YTHDC1: variants seen among roughly 807,000 people sequenced by gnomAD.
The protein encoded by YTHDC1 is YTH domain-containing protein 1.
Under a neutral mutation model 107.0 loss-of-function variants are expected in YTHDC1, and 12 were observed. The ratio of observed to expected loss-of-function variants is 0.11; its 90% confidence interval spans 0.07 to 0.18. The LOEUF is 0.18. Among genes scored for constraint, YTHDC1 ranks in the 10% least tolerant of loss-of-function variants. YTHDC1 has a pLI of 1.00. For missense variants in YTHDC1, 635 were observed against 898.8 expected (o/e 0.71, Z 3.75); for synonymous variants, 280 against 289.5 (o/e 0.97, Z 0.33).
At chr4:68,318,436 A>G in intron 15 of YTHDC1, 83 bp downstream of exon 15, 1 of 1,341,240 alleles carries the variant, frequency 7.5e-7, no homozygotes, top group Non-Finnish European at 1.0e-6. Flanking sequence ...GAGTAACTGT[A>G]ACAATCATAT....
chr4:68,315,368 T>A (rs1388488845), intron 16 of YTHDC1, among the ~76,000 whole-genome samples: 1 of 152,170 alleles, frequency 6.6e-6, no homozygotes, highest in Admixed American at 6.5e-5. Context: ...GTCTCAAAGA[T>A]AGGCTAGAAA....
chr4:68,336,574 C>T (rs1017526302), intron 4 of YTHDC1, among the ~76,000 whole-genome samples: 6 of 152,178 alleles, frequency 3.9e-5, no homozygotes, highest in African/African-American at 1.4e-4. Flanking sequence ...AAAGTCTGTG[C>T]TCCCAGAGAT....
chr4:68,349,521 G>C (rs1459356612), intron 1 of YTHDC1, among the ~76,000 whole-genome samples: 1 of 151,918 alleles, frequency 6.6e-6, no homozygotes, highest in Non-Finnish European at 1.5e-5. Flanking sequence ...CTGAGATGAA[G>C]TGCTAGGCCA....
At chr4:68,333,579 G>A (rs184432169) in intron 4 of YTHDC1, among the ~76,000 whole-genome samples, 182 bp from the exon 5 acceptor site, 376 of 152,052 alleles carry the variant, frequency 2.5e-3, no homozygotes, top group Admixed American at 4.3e-3. Context: ...TAAAAAGTAC[G>A]GGCATCTTGT....
In YTHDC1 at chr4:68,313,877, A is replaced by G. The variant is rs1560466706; in HGVS notation, c.*222T>C. On this transcript the variant is annotated 3_prime_UTR_variant, in exon 17 of 17. Transcript: ENST00000344157. Reference sequence around the variant, plus strand: ...TGGACTGTTCCATTCTGCCCCAATAAAAGTGTCAATTCAACTGTCAGCTGT... The same window carrying G: ...TGGACTGTTCCATTCTGCCCCAATAGAAGTGTCAATTCAACTGTCAGCTGT... The G allele has an allele frequency of 5.1e-6, 3 of 591,042 alleles. No individual in the cohort carries two copies. Among genetic ancestry groups the G allele is most frequent in the East Asian group, 2.8e-5 (1 of 35,658 alleles). The allele number at this position is 591,042 out of a possible 1,614,324, so 36.6% of individuals were successfully genotyped here.
intron 4 of YTHDC1, among the ~76,000 whole-genome samples, chr4:68,336,600 T>C (rs1724196541): frequency 6.6e-6 from 1 of 152,210 alleles, no homozygotes; most frequent in South Asian, 2.1e-4. Flanking sequence ...AGAAATAATC[T>C]GTTTTGATTC....
chr4:68,335,415 T>C (rs1387713041), intron 4 of YTHDC1, among the ~76,000 whole-genome samples: 2 of 151,900 alleles, frequency 1.3e-5, no homozygotes, highest in African/African-American at 4.8e-5. Context: ...AGTAACAGAG[T>C]TTTGATATCA....
chr4:68,322,863 T>G lies in YTHDC1; in HGVS notation c.1487A>C (p.Glu496Ala). The change falls in exon 11 of 17, where the codon GAA (glutamate) becomes GCA (alanine). Residue 496 changes from glutamate to alanine, a missense_variant. Coordinates refer to ENST00000344157, the MANE Select transcript of YTHDC1 (RefSeq NM_001031732.4). This position sits in a 1 kb window ranked among gnomAD's most constrained non-coding sequence, Gnocchi z 4.8. ...TQLCLLFPPD[E>A]SIDLYQVIHK... ...AATGACCTGATACAAGTCAATACTT[T>G]CATCGGGGGGAAACAGAAGACAAAG... 1 of 1,614,106 alleles carries G rather than the reference T, an allele frequency of 6.2e-7. No individual in the cohort carries two copies. Among genetic ancestry groups the G allele is most frequent in the South Asian group, 1.1e-5 (1 of 91,082 alleles).
In YTHDC1 at chr4:68,338,410, G is replaced by A. The variant is rs555855239; in HGVS notation, c.29-26C>T. 5 of 1,533,372 alleles carry A rather than the reference G, an allele frequency of 3.3e-6. No individual in the cohort carries two copies. In the African/African-American group the frequency reaches 5.6e-5, roughly 17 times the overall value. 95.0% of individuals were successfully genotyped at this position (1,533,372 alleles called of 1,614,324 possible). A position where few individuals can be genotyped will look rare whatever the true frequency, so the allele number is the denominator to read the frequency against. Reference sequence around the variant, plus strand: ...CTGCAAATAAAATTAAAAATTAATAGGGAAAAATCACTATCATTGAACATG... The same window carrying A: ...CTGCAAATAAAATTAAAAATTAATAAGGAAAAATCACTATCATTGAACATG... On this transcript the variant is annotated intron_variant, in intron 1 of 16. Transcript: ENST00000344157.
chr4:68,324,054 A>C, intron 10 of YTHDC1, 85 bp downstream of exon 10: 1 of 1,235,270 alleles, frequency 8.1e-7, no homozygotes, highest in Non-Finnish European at 1.1e-6. Flanking sequence ...TTTCATCAGA[A>C]ACGGTTAAAA....
At chr4:68,328,512 A>T (rs1723228490) in intron 9 of YTHDC1, among the ~76,000 whole-genome samples, 2 of 152,218 alleles carry the variant, frequency 1.3e-5, no homozygotes, top group Admixed American at 1.3e-4. Context: ...TTCCAATACC[A>T]TAATTATGTA....
Position 68,337,879 on chromosome 4 carries a change from C to T in YTHDC1, c.152G>A (p.Arg51Gln), listed in dbSNP as rs1440341478. 5.0e-6 allele frequency: 8 copies of T among 1,611,174 alleles called. No homozygotes were observed. The highest frequency in any genetic ancestry group is 3.3e-5 in the Admixed American group (2 of 59,732). Residue 51 changes from arginine to glutamine, a missense_variant, in exon 3 of 17, where the codon CGA becomes CAA. Arg to Gln is a conservative substitution (Grantham distance 43). Coordinates refer to ENST00000344157, the MANE Select transcript of YTHDC1 (RefSeq NM_001031732.4). Reference protein sequence around the residue: ...EKKGSKRKSDRMESTDTKRQK... With the variant: ...EKKGSKRKSDQMESTDTKRQK... ...TCGTTTGGTATCAGTAGATTCCATT[C>T]GATCACTTTTTCTTTTTGATCCTTT...
chr4:68,311,702 G>C lies in YTHDC1; in HGVS notation c.*2397C>G, dbSNP rs1288746086. 1.3e-5 allele frequency: 2 copies of C among 152,186 alleles called. No individual in the cohort carries two copies. Among genetic ancestry groups the C allele is most frequent in the Non-Finnish European group, 2.9e-5 (2 of 68,024 alleles). 9.4% of individuals were successfully genotyped at this position (152,186 alleles called of 1,614,324 possible). On this transcript the variant is annotated 3_prime_UTR_variant, in exon 17 of 17. Transcript: ENST00000344157. ...TTATGTGAGCCAACAGAATTGTTTA[G>C]AATAGTGCCAGATACTTGGTAAAAA... is the stretch of plus-strand genomic sequence containing the variant.
At chr4:68,333,118 C>G (rs1056810746) in intron 5 of YTHDC1, among the ~76,000 whole-genome samples, 190 bp downstream of exon 5, 1 of 152,052 alleles carries the variant, frequency 6.6e-6, no homozygotes, top group Admixed American at 6.5e-5. Context: ...GAAAATTCCA[C>G]TTAAGCAGTA....
chr4:68,320,818 A>C (rs1326733973), intron 11 of YTHDC1, among the ~76,000 whole-genome samples: 1 of 152,106 alleles, frequency 6.6e-6, no homozygotes, highest in African/African-American at 2.4e-5. Flanking sequence ...CTATTTCTTA[A>C]TAATCCTTAG....
At chr4:68,326,347 C>T (rs1722988274) in intron 9 of YTHDC1, among the ~76,000 whole-genome samples, 1 of 152,134 alleles carries the variant, frequency 6.6e-6, no homozygotes, top group African/African-American at 2.4e-5. Context: ...TGAGGCAAAA[C>T]AGGGCTCAGA....
Position 68,337,011 on chromosome 4 carries a change from A to T in YTHDC1, c.883+16T>A. 1 of 1,554,538 alleles carries T rather than the reference A, an allele frequency of 6.4e-7. No homozygotes were observed. On this transcript the variant is annotated intron_variant, in intron 4 of 16. Coordinates refer to ENST00000344157, the MANE Select transcript of YTHDC1 (RefSeq NM_001031732.4). ...AGCTTTTTTTAAGACAAACTTTTAC[A>T]TATAAAAAGTAGTACCTGATCCATC...
chr4:68,327,745 A>T (rs1344866978), intron 9 of YTHDC1, among the ~76,000 whole-genome samples: 2 of 152,268 alleles, frequency 1.3e-5, no homozygotes, highest in East Asian at 3.9e-4. Flanking sequence ...CTGAGACTCA[A>T]ATGTAATTCT....
At chr4:68,339,196 T>C (rs536179225) in intron 1 of YTHDC1, among the ~76,000 whole-genome samples, 1 of 152,312 alleles carries the variant, frequency 6.6e-6, no homozygotes, top group South Asian at 2.1e-4. Context: ...ATCAACATCA[T>C]GGACCTCCTG....
Sources: allele counts gnomAD v4.1 joint callset (sites outside exome capture counted in the v4.1 genomes callset), GRCh38; gene constraint gnomAD v4.1.1; non-coding constraint Gnocchi (gnomAD v3.1); transcripts MANE v1.5; gene names NCBI Gene and HGNC (gene_info 2026-07-23, HGNC 2026-07-21).